PPARA: variants seen among roughly 807,000 people sequenced by gnomAD.
The protein encoded by PPARA is peroxisome proliferator-activated receptor alpha.
A neutral mutation model predicts 42.2 loss-of-function variants in PPARA; 22 were observed. The ratio of observed to expected loss-of-function variants is 0.52; its 90% CI spans 0.37 to 0.74. The LOEUF (loss-of-function observed/expected upper bound fraction) is 0.74. PPARA is among the 30% of genes least tolerant of loss of function. The pLI is 0.00. For missense variants in PPARA, 465 were observed against 608.2 expected, an observed-to-expected ratio of 0.76 and a Z score of 2.48; for synonymous variants, 242 against 239.3, an observed-to-expected ratio of 1.01 and a Z score of -0.10.
At chr22:46,178,874 T>A (rs1929551043) in intron 3 of PPARA, among the ~76,000 whole-genome samples, 1 of 152,114 alleles carries the variant, frequency 6.6e-6, no homozygotes, top group African/African-American at 2.4e-5. Context: ...TAGATCAGAA[T>A]CTCGGGTGTA....
rs371776861 is a variant in PPARA, at chr22:46,198,425, C to A, written c.42C>A (p.Leu14=). 6.2e-6 allele frequency: 10 copies of A among 1,613,710 alleles called. No individual in the cohort carries two copies. The African/African-American group carries it at 9.4e-5, about 15-fold the overall frequency. ...GCCCACTCTGCCCCCTCTCCCCACT[C>A]GAGGCCGGCGATCTAGAGAGCCCGT... ...TESPLCPLSP[L]EAGDLESPLS... The change falls in exon 4 of 9, where the codon CTC becomes CTA. Residue 14 remains leucine, a synonymous_variant. Coordinates refer to ENST00000407236, the MANE Select transcript of PPARA (RefSeq NM_005036.6).
chr22:46,180,766 T>C lies in PPARA; in HGVS notation c.-43+3930T>C, dbSNP rs369954399. Among the ~76,000 whole-genome samples, 1 of 152,162 alleles carries C rather than the reference T, an allele frequency of 6.6e-6. No individual in the cohort carries two copies. Among genetic ancestry groups the C allele is most frequent in the East Asian group, 1.9e-4 (1 of 5,192 alleles). On this transcript the variant is annotated intron_variant, in intron 3 of 8. Coordinates refer to ENST00000407236, the MANE Select transcript of PPARA (RefSeq NM_005036.6). This position sits in a 1 kb window ranked among gnomAD's most constrained non-coding sequence, Gnocchi z 4.2. ...AATAAATCCTCCTGAACCCCATCAATCGCTCCAGTTCTCTGATTTCCCACT... is the reference window on the plus strand; with the variant it reads ...AATAAATCCTCCTGAACCCCATCAACCGCTCCAGTTCTCTGATTTCCCACT...
At position 46,233,257 on chromosome 22, in the gene PPARA, CTTT is replaced by C. The variant is rs1936007302; in HGVS notation, c.1159+1019_1159+1021del. ...CAAGTGGCAGTGACTGCAAGGTTTG[CTTT>C]GCCCGAGGAAGCAGATCCCAGGGAA... is the stretch of plus-strand genomic sequence containing the variant. On this transcript the variant is annotated intron_variant, in intron 8 of 8. Transcript: ENST00000407236. The surrounding 1 kb of genome is among the most constrained non-coding windows in gnomAD (Gnocchi z 7.3). 6.6e-6 allele frequency among the ~76,000 whole-genome samples: 1 copy of C among 152,104 alleles called. No homozygotes were observed. The highest frequency in any genetic ancestry group is 1.5e-5 in the Non-Finnish European group (1 of 68,030).
rs569855928 is a variant in PPARA, at chr22:46,193,913, G to T, written c.-42-4429G>T. ...CTTGATCCCCCCCAGAGCATTTGGG[G>T]CATAGGACACGGGAACTGGCCAGCC... On this transcript the variant is annotated intron_variant, in intron 3 of 8. Transcript: ENST00000407236. This position sits in a 1 kb window ranked among gnomAD's most constrained non-coding sequence, Gnocchi z 5.3. 7.2e-5 allele frequency among the ~76,000 whole-genome samples: 11 copies of T among 152,338 alleles called. 1 individual carries two copies. The South Asian group carries it at 2.3e-3, about 32-fold the overall frequency.
rs1936376381 is a variant in PPARA, at chr22:46,241,777, C to T, written c.*6397C>T. 6.6e-6 allele frequency: 1 copy of T among 152,158 alleles called. No homozygotes were observed. The highest frequency in any genetic ancestry group is 6.5e-5 in the Admixed American group (1 of 15,274). 9.4% of individuals were successfully genotyped at this position (152,158 alleles called of 1,614,324 possible). A position where few individuals can be genotyped will look rare whatever the true frequency, so the allele number is the denominator to read the frequency against. On this transcript the variant is annotated 3_prime_UTR_variant, in exon 9 of 9. Transcript: ENST00000407236. The surrounding 1 kb of genome is among the most constrained non-coding windows in gnomAD (Gnocchi z 5.7). ...GGTTCAGCTGAAACACATACAACTG[C>T]ATCCTTTTGGAGTCCTTTGCCAACA...
intron 6 of PPARA, among the ~76,000 whole-genome samples, chr22:46,218,712 T>C (rs1270256268): frequency 6.6e-6 from 1 of 151,534 alleles, no homozygotes; most frequent in East Asian, 1.9e-4. Flanking sequence ...CACATGCCTG[T>C]AGTCCCAGCT....
At position 46,230,390 on chromosome 22, in the gene PPARA, A is replaced by G. The variant is rs1277036295; in HGVS notation, c.712-1402A>G. ...CTGTCTCAAAAAAAAAAGAAATAACACCTTAGCCCACTGCATTATTGACCT... is the reference window on the plus strand; with the variant it reads ...CTGTCTCAAAAAAAAAAGAAATAACGCCTTAGCCCACTGCATTATTGACCT... On this transcript the variant is annotated intron_variant, in intron 7 of 8. Transcript: ENST00000407236. This position sits in a 1 kb window ranked among gnomAD's most constrained non-coding sequence, Gnocchi z 5.0. Among the ~76,000 whole-genome samples, 1 of 151,762 alleles carries G rather than the reference A, an allele frequency of 6.6e-6. No homozygotes were observed. Among genetic ancestry groups the G allele is most frequent in the Non-Finnish European group, 1.5e-5 (1 of 67,954 alleles).
rs910525003 is a variant in PPARA, at chr22:46,224,704, C to T, written c.711+4690C>T. On this transcript the variant is annotated intron_variant, in intron 7 of 8. Coordinates refer to ENST00000407236, the MANE Select transcript of PPARA (RefSeq NM_005036.6). The surrounding 1 kb of genome is among the most constrained non-coding windows in gnomAD (Gnocchi z 5.7). ...ATGGATTCATACGAACCGTAATGAACGTGGGCTGTGTGCTGGGGAAGGCAG... is the reference window on the plus strand; with the variant it reads ...ATGGATTCATACGAACCGTAATGAATGTGGGCTGTGTGCTGGGGAAGGCAG... Among the ~76,000 whole-genome samples the T allele has an allele frequency of 3.3e-5, 5 of 152,172 alleles. No individual in the cohort carries two copies. The South Asian group carries it at 8.3e-4, about 25-fold the overall frequency.
Position 46,221,891 on chromosome 22 carries a change from C to A in PPARA, c.711+1877C>A, listed in dbSNP as rs982903559. Among the ~76,000 whole-genome samples the A allele has an allele frequency of 3.3e-5, 5 of 152,082 alleles. No homozygotes were observed. The highest frequency in any genetic ancestry group is 2.1e-4 in the South Asian group (1 of 4,830). ...AGGAGTTTGAGACCACCCTGGCCAACATGGTGAAACCCCATCTCTATTAAA... is the reference window on the plus strand; with the variant it reads ...AGGAGTTTGAGACCACCCTGGCCAAAATGGTGAAACCCCATCTCTATTAAA... On this transcript the variant is annotated intron_variant, in intron 7 of 8. Coordinates refer to ENST00000407236, the MANE Select transcript of PPARA (RefSeq NM_005036.6). This position sits in a 1 kb window ranked among gnomAD's most constrained non-coding sequence, Gnocchi z 5.9.
intron 3 of PPARA, among the ~76,000 whole-genome samples, chr22:46,185,960 TATATAC>T (rs1433006159): frequency 0.056 from 2,408 of 42,876 alleles, 457 homozygotes; most frequent in Non-Finnish European, 0.084. Flanking sequence ...TATATATATA[TATATAC>T]ACACACACTA....
In PPARA at chr22:46,211,852, A is replaced by G. The variant is rs1457666918; in HGVS notation, c.209-3321A>G. On this transcript the variant is annotated intron_variant, in intron 4 of 8. Transcript: ENST00000407236. The surrounding 1 kb of genome is among the most constrained non-coding windows in gnomAD (Gnocchi z 4.1). ...AGGCACGCACCACCACCCCTGGCTAACTTTTTGTATTTTTACAAAATACAA... is the reference window on the plus strand; with the variant it reads ...AGGCACGCACCACCACCCCTGGCTAGCTTTTTGTATTTTTACAAAATACAA... 6.6e-6 allele frequency among the ~76,000 whole-genome samples: 1 copy of G among 152,012 alleles called. No homozygotes were observed. The highest frequency in any genetic ancestry group is 2.4e-5 in the African/African-American group (1 of 41,384).
Position 46,220,268 on chromosome 22 carries a change from T to G in PPARA, c.711+254T>G, listed in dbSNP as rs1934894664. ...ATACTGGCTATGTAATTAATACACT[T>G]AAAAAAAACCTTAATAGCTTACCAA... is the stretch of plus-strand genomic sequence containing the variant. On this transcript the variant is annotated intron_variant, in intron 7 of 8. Coordinates refer to ENST00000407236, the MANE Select transcript of PPARA (RefSeq NM_005036.6). 7 of 518,758 alleles carry G rather than the reference T, an allele frequency of 1.3e-5. No individual in the cohort carries two copies. The East Asian group carries it at 2.6e-4, about 19-fold the overall frequency. The allele number at this position is 518,758 out of a possible 1,614,324, so 32.1% of individuals were successfully genotyped here. A position where few individuals can be genotyped will look rare whatever the true frequency, so the allele number is the denominator to read the frequency against.
At position 46,204,598 on chromosome 22, in the gene PPARA, T is replaced by A. The variant is rs945026203; in HGVS notation, c.208+6007T>A. ...TGATGGTCTCTCACTGTGGTGATTT[T>A]TATTTGCACTTCCCTGGTGATTTTG... On this transcript the variant is annotated intron_variant, in intron 4 of 8. Coordinates refer to ENST00000407236, the MANE Select transcript of PPARA (RefSeq NM_005036.6). The surrounding 1 kb of genome is among the most constrained non-coding windows in gnomAD (Gnocchi z 5.2). Among the ~76,000 whole-genome samples, 1 of 152,208 alleles carries A rather than the reference T, an allele frequency of 6.6e-6. No homozygotes were observed. The highest frequency in any genetic ancestry group is 1.5e-5 in the Non-Finnish European group (1 of 68,044).
chr22:46,237,146 T>C lies in PPARA; in HGVS notation c.*1766T>C, dbSNP rs938083430. On this transcript the variant is annotated 3_prime_UTR_variant, in exon 9 of 9. Coordinates refer to ENST00000407236, the MANE Select transcript of PPARA (RefSeq NM_005036.6). This position sits in a 1 kb window ranked among gnomAD's most constrained non-coding sequence, Gnocchi z 6.7. The stretch of plus-strand genomic sequence containing the variant: ...GAAAATTTGGCTCTTCTGAGGTCAT[T>C]ATTATTTTAAGAATGATTAGGATTG... The C allele has an allele frequency of 1.3e-5, 2 of 152,174 alleles. No homozygotes were observed. The highest frequency in any genetic ancestry group is 4.1e-4 in the South Asian group (2 of 4,826). The allele number at this position is 152,174 out of a possible 1,614,324, so 9.4% of individuals were successfully genotyped here. A position where few individuals can be genotyped will look rare whatever the true frequency, so the allele number is the denominator to read the frequency against.
At position 46,224,814 on chromosome 22, in the gene PPARA, T is replaced by C. The variant is rs1043492909; in HGVS notation, c.711+4800T>C. 1.2e-4 allele frequency among the ~76,000 whole-genome samples: 18 copies of C among 152,134 alleles called. No homozygotes were observed. Among genetic ancestry groups the C allele is most frequent in the Admixed American group, 7.9e-4 (12 of 15,280 alleles). On this transcript the variant is annotated intron_variant, in intron 7 of 8. Coordinates refer to ENST00000407236, the MANE Select transcript of PPARA (RefSeq NM_005036.6). The surrounding 1 kb of genome is among the most constrained non-coding windows in gnomAD (Gnocchi z 5.7). ...TTGATGGGGAAGCACGGGGGATGGA[T>C]AGATTTTAATTTCAAAGCAGCCCTC...
intron 3 of PPARA, among the ~76,000 whole-genome samples, chr22:46,189,152 A>G (rs1660429246): frequency 6.6e-6 from 1 of 152,258 alleles, no homozygotes; most frequent in African/African-American, 2.4e-5. Flanking sequence ...ATTTGATTGC[A>G]ACGGACACAA....
Position 46,227,475 on chromosome 22 carries a change from A to T in PPARA, c.712-4317A>T, listed in dbSNP as rs1935548376. 6.6e-6 allele frequency among the ~76,000 whole-genome samples: 1 copy of T among 152,188 alleles called. No homozygotes were observed. ...CCATGTTGGCCGGGCTGGTCTCGAA[A>T]TCCTGACCTCAGGTCATCCACCTAC... On this transcript the variant is annotated intron_variant, in intron 7 of 8. Coordinates refer to ENST00000407236, the MANE Select transcript of PPARA (RefSeq NM_005036.6). The surrounding 1 kb of genome is among the most constrained non-coding windows in gnomAD (Gnocchi z 4.3).
chr22:46,242,980 G>A lies in PPARA; in HGVS notation c.*7600G>A, dbSNP rs1010933931. 6 of 152,648 alleles carry A rather than the reference G, an allele frequency of 3.9e-5. No individual in the cohort carries two copies. The highest frequency in any genetic ancestry group is 1.4e-4 in the African/African-American group (6 of 41,442). The allele number at this position is 152,648 out of a possible 1,614,324, so 9.5% of individuals were successfully genotyped here. ...TTAGTAAATAGCTGTCTGCTCTTCA[G>A]GGAACTGTTACCTATGGGTTATTAC... On this transcript the variant is annotated 3_prime_UTR_variant, in exon 9 of 9. Transcript: ENST00000407236. This position sits in a 1 kb window ranked among gnomAD's most constrained non-coding sequence, Gnocchi z 6.1.
Position 46,205,537 on chromosome 22 carries a change from TATATATATATATA to T in PPARA, c.208+6947_208+6959del, listed in dbSNP as rs1237600825. Among the ~76,000 whole-genome samples the T allele has an allele frequency of 4.4e-3, 154 of 35,048 alleles. 1 individual carries two copies. The highest frequency in any genetic ancestry group is 6.0e-3 in the African/African-American group (44 of 7,324). 23.0% of individuals were successfully genotyped at this position (35,048 alleles called of 152,430 possible). A position where few individuals can be genotyped will look rare whatever the true frequency, so the allele number is the denominator to read the frequency against. On this transcript the variant is annotated intron_variant, in intron 4 of 8. Transcript: ENST00000407236. ...GCCCAGCCATATATATATATATATA[TATATATATATATA>T]TATATTTTTTTTTTTTTTTTTTTTT...
Sources: allele counts gnomAD v4.1 joint callset (sites outside exome capture counted in the v4.1 genomes callset), GRCh38; gene constraint gnomAD v4.1.1; non-coding constraint Gnocchi (gnomAD v3.1); transcripts MANE v1.5; gene names NCBI Gene and HGNC (gene_info 2026-07-23, HGNC 2026-07-21).